Variants in ADAMTS2 observed in about 807,000 individuals in gnomAD.
The protein encoded by ADAMTS2 is A disintegrin and metalloproteinase with thrombospondin motifs 2.
A neutral mutation model predicts 123.0 loss-of-function variants in ADAMTS2; 50 were observed. That is an observed-to-expected ratio of 0.41 (90% CI 0.32 to 0.51). The LOEUF (loss-of-function observed/expected upper bound fraction) is 0.51. Ranked by LOEUF, ADAMTS2 falls within the 20% of genes least tolerant of loss-of-function variation. The probability of loss-of-function intolerance (pLI) is 0.35; values close to 1 mark genes in which losing one functional copy is unlikely to be tolerated. For missense variants in ADAMTS2, 1,494 were observed against 1,705.2 expected (o/e 0.88, Z 2.18); for synonymous variants, 678 against 695.4 (o/e 0.98, Z 0.39).
At chr5:179,321,043 T>G (rs960501412) in intron 2 of ADAMTS2, among the ~76,000 whole-genome samples, 1 of 152,216 alleles carries the variant, frequency 6.6e-6, no homozygotes, top group Non-Finnish European at 1.5e-5. Flanking sequence ...GTTCTAGATA[T>G]TTTTCTTTTT....
intron 9 of ADAMTS2, among the ~76,000 whole-genome samples, chr5:179,153,079 C>T (rs910641661): frequency 1.1e-4 from 17 of 152,322 alleles, no homozygotes; most frequent in South Asian, 1.0e-3. Context: ...TGGAGAGCAG[C>T]GAGTGCTCCT....
At chr5:179,240,879 G>A (rs944837516) in intron 3 of ADAMTS2, among the ~76,000 whole-genome samples, 22 of 152,168 alleles carry the variant, frequency 1.4e-4, no homozygotes, top group East Asian at 3.9e-4. Context: ...GGTTTTGTCC[G>A]GTAAAGGGAA....
At chr5:179,249,990 C>A (rs1418425215) in intron 3 of ADAMTS2, among the ~76,000 whole-genome samples, 1 of 152,194 alleles carries the variant, frequency 6.6e-6, no homozygotes, top group African/African-American at 2.4e-5. Flanking sequence ...GGCTTATATA[C>A]AATCACCAAG....
chr5:179,219,377 G>A (rs1321358951), intron 3 of ADAMTS2, among the ~76,000 whole-genome samples: 2 of 152,192 alleles, frequency 1.3e-5, no homozygotes, highest in Non-Finnish European at 2.9e-5. Flanking sequence ...AGTCCTGTGT[G>A]CCCTTACAAA....
intron 2 of ADAMTS2, among the ~76,000 whole-genome samples, chr5:179,296,449 C>A (rs952823995): frequency 6.6e-6 from 1 of 151,954 alleles, no homozygotes; most frequent in African/African-American, 2.4e-5. Context: ...GATCCTTCAG[C>A]GAGGCTGGGG....
At chr5:179,190,272 C>A (rs993914389) in intron 4 of ADAMTS2, among the ~76,000 whole-genome samples, 1 of 151,984 alleles carries the variant, frequency 6.6e-6, no homozygotes, top group Non-Finnish European at 1.5e-5. Flanking sequence ...CTGCTTCGAG[C>A]AGGATTAGGG....
At chr5:179,127,075 A>G (rs1762873348) in intron 17 of ADAMTS2, among the ~76,000 whole-genome samples, 1 of 152,218 alleles carries the variant, frequency 6.6e-6, no homozygotes, top group Non-Finnish European at 1.5e-5. Flanking sequence ...GACACCAGGA[A>G]GAGAGAGACA....
rs1763090813 is a variant in ADAMTS2 at position 179,137,767 on chromosome 5, A to G, written c.1951+2T>C. On this transcript the variant is annotated splice_donor_variant, in intron 12 of 21. Coordinates refer to ENST00000251582, the MANE Select transcript of ADAMTS2 (RefSeq NM_014244.5). LOFTEE classifies it high-confidence loss of function. ...CCACTGATGCCTCCCAGAAGGGCTC[A>G]CCATCCCGGTGCTCGTGGGGCAGCC... The G allele has an allele frequency of 6.4e-7, 1 of 1,561,808 alleles. No homozygotes were observed. The highest frequency in any genetic ancestry group is 8.6e-7 in the Non-Finnish European group (1 of 1,156,718).
At chr5:179,250,568 T>C (rs751979577) in intron 3 of ADAMTS2, among the ~76,000 whole-genome samples, 54 of 152,272 alleles carry the variant, frequency 3.5e-4, no homozygotes, top group East Asian at 9.7e-4. Flanking sequence ...AAAGGAAAGA[T>C]TAAACAATGA....
At chr5:179,194,429 T>C (rs3797608) in intron 4 of ADAMTS2, among the ~76,000 whole-genome samples, 37,358 of 151,902 alleles carry the variant, frequency 0.25, 7,622 homozygotes, top group African/African-American at 0.52. Flanking sequence ...GGCAGGCGGG[T>C]GGGCCTCAGA....
intron 3 of ADAMTS2, among the ~76,000 whole-genome samples, chr5:179,265,831 G>A (rs1190961768): frequency 6.6e-6 from 1 of 152,250 alleles, no homozygotes; most frequent in African/African-American, 2.4e-5. Flanking sequence ...ACGCCTCCCG[G>A]AGCCGCCTCG....
intron 3 of ADAMTS2, among the ~76,000 whole-genome samples, chr5:179,269,580 G>A (rs1766472434): frequency 6.6e-6 from 1 of 152,072 alleles, no homozygotes; most frequent in Non-Finnish European, 1.5e-5. Flanking sequence ...ATCTCTCACT[G>A]GGTCCCTCCC....
chr5:179,320,576 C>T (rs145911551), intron 2 of ADAMTS2, among the ~76,000 whole-genome samples: 2,002 of 152,002 alleles, frequency 0.013, 45 homozygotes, highest in African/African-American at 0.046. Context: ...CCTCAGCCTC[C>T]CAAAGTGCTG....
chr5:179,114,140 A>G lies in ADAMTS2; in HGVS notation c.3363T>C (p.Pro1121=), dbSNP rs921402105. 1.9e-6 allele frequency: 3 copies of G among 1,613,896 alleles called. No individual in the cohort carries two copies. In the East Asian group the frequency reaches 6.7e-5, roughly 36 times the overall value. The stretch of plus-strand genomic sequence containing the variant: ...TGGCTACAGTGGGCACTGGGAGGGT[A>G]GGCATGAACACGTCAATGTCGTTGT... ...GKHNDIDVFM[P]TLPVPTVAME... The change falls in exon 22 of 22, where the codon CCT becomes CCC. Residue 1121 remains proline (P), a synonymous_variant. Transcript: ENST00000251582.
intron 3 of ADAMTS2, among the ~76,000 whole-genome samples, chr5:179,257,489 C>T (rs1037249381): frequency 6.6e-5 from 10 of 152,154 alleles, no homozygotes; most frequent in Non-Finnish European, 1.2e-4. Context: ...GCTCCGAACC[C>T]GGCGCCACGC....
rs1764601653 is a variant in ADAMTS2 at position 179,202,902 on chromosome 5, C to T, written c.891+4611G>A. Among the ~76,000 whole-genome samples the T allele has an allele frequency of 6.6e-6, 1 of 152,210 alleles. No homozygotes were observed. Among genetic ancestry groups the T allele is most frequent in the South Asian group, 2.1e-4 (1 of 4,832 alleles). Reference sequence around the variant, plus strand: ...CCCAGGTCACTTCCTTTCACACAGGCCACTAGGCAAAACTGGCCATGCAGC... The same window carrying T: ...CCCAGGTCACTTCCTTTCACACAGGTCACTAGGCAAAACTGGCCATGCAGC... On this transcript the variant is annotated intron_variant, in intron 4 of 21. Coordinates refer to ENST00000251582, the MANE Select transcript of ADAMTS2 (RefSeq NM_014244.5). The surrounding 1 kb of genome is among the most constrained non-coding windows in gnomAD (Gnocchi z 4.0).
chr5:179,258,087 G>A (rs1581225372), intron 3 of ADAMTS2, among the ~76,000 whole-genome samples: 3 of 152,154 alleles, frequency 2.0e-5, no homozygotes, highest in African/African-American at 7.2e-5. Flanking sequence ...GCAAGGTTGA[G>A]AGGACAGATG....
At position 179,308,920 on chromosome 5, in the gene ADAMTS2, C is replaced by T. The variant is rs1304072773; in HGVS notation, c.534+34847G>A. 3.9e-5 allele frequency among the ~76,000 whole-genome samples: 6 copies of T among 152,214 alleles called. No individual in the cohort carries two copies. The highest frequency in any genetic ancestry group is 7.3e-5 in the Non-Finnish European group (5 of 68,030). ...CCCCCTCAGCTGCCCATTCATTCAG[C>T]CATTCTTCTAGGAGGACAGGCCAGG... On this transcript the variant is annotated intron_variant, in intron 2 of 21. Coordinates refer to ENST00000251582, the MANE Select transcript of ADAMTS2 (RefSeq NM_014244.5). The surrounding 1 kb of genome is among the most constrained non-coding windows in gnomAD (Gnocchi z 6.6).
intron 2 of ADAMTS2, among the ~76,000 whole-genome samples, chr5:179,300,111 A>AAG (rs1554096365): frequency 4.6e-5 from 7 of 151,680 alleles, no homozygotes; most frequent in African/African-American, 1.5e-4. Flanking sequence ...AAAAAAAAAA[A>AAG]AAGAAGAATC....
Sources: gnomAD v4.1 joint callset for allele counts (sites outside exome capture counted in the v4.1 genomes callset) on GRCh38, gnomAD v4.1.1 for gene constraint, Gnocchi (gnomAD v3.1) non-coding constraint, MANE v1.5 for transcripts, NCBI Gene and HGNC (gene_info 2026-07-23, HGNC 2026-07-21) for gene names.